Variants in C4orf17 observed in about 807,000 individuals in gnomAD.
The protein encoded by C4orf17 is chromosome 4 open reading frame 17.
A neutral mutation model predicts 32.0 loss-of-function variants in C4orf17; 25 were observed. The observed-to-expected ratio is 0.78, with a 90% CI of 0.57 to 1.09. C4orf17 has a LOEUF of 1.09. Among genes scored for constraint, C4orf17 ranks in the 50% least tolerant of loss-of-function variants. The pLI is 0.00. For synonymous variants in C4orf17, 149 were observed against 145.8 expected (o/e 1.02, Z -0.16); for missense variants, 420 against 420.0 (o/e 1.00, Z 0.00).
At chr4:99,541,750 A>G (rs1345328937) in intron 8 of C4orf17, 160 bp from the exon 9 acceptor site, 8 of 582,192 alleles carry the variant, frequency 1.4e-5, no homozygotes, top group East Asian at 6.1e-5. Context: ...CATGTGGTGG[A>G]AAAAAAAAGA....
intron 4 of C4orf17, among the ~76,000 whole-genome samples, chr4:99,527,668 G>A (rs529538858): frequency 2.0e-5 from 3 of 152,290 alleles, no homozygotes; most frequent in South Asian, 2.1e-4. Flanking sequence ...GAACTCAGGC[G>A]GTAATGCTCA....
chr4:99,511,881 G>C (rs1466340619), intron 1 of C4orf17, among the ~76,000 whole-genome samples: 1 of 152,060 alleles, frequency 6.6e-6, no homozygotes, highest in Non-Finnish European at 1.5e-5. Context: ...TGCATTTAAT[G>C]TCTACATATA....
intron 2 of C4orf17, among the ~76,000 whole-genome samples, chr4:99,518,534 TATATATATATAG>T (rs1401856466): frequency 9.6e-5 from 7 of 72,574 alleles, no homozygotes; most frequent in Non-Finnish European, 1.7e-4. Context: ...TATATATATA[TATATATATATAG>T]AGAGAGAGAG....
At chr4:99,512,861 C>T in intron 1 of C4orf17, 128 bp from the exon 2 acceptor site, 1 of 492,718 alleles carries the variant, frequency 2.0e-6, no homozygotes, top group Non-Finnish European at 3.6e-6. Flanking sequence ...GGTCTGAAAA[C>T]AAAATAGCCT....
chr4:99,533,089 T>C (rs1723501935), intron 5 of C4orf17, among the ~76,000 whole-genome samples: 2 of 152,174 alleles, frequency 1.3e-5, no homozygotes, highest in African/African-American at 2.4e-5. Context: ...ACAGACTGGA[T>C]AATGTAATAC....
At chr4:99,512,410 A>T (rs1723107088) in intron 1 of C4orf17, among the ~76,000 whole-genome samples, 2 of 152,192 alleles carry the variant, frequency 1.3e-5, no homozygotes, top group South Asian at 2.1e-4. Context: ...TAGGTGTCTA[A>T]AAATGTTAAC....
intron 2 of C4orf17, among the ~76,000 whole-genome samples, chr4:99,518,544 T>TAGAGAGAGAGAGAG (rs70958313): frequency 8.1e-5 from 3 of 36,828 alleles, no homozygotes; most frequent in Non-Finnish European, 1.4e-4. Flanking sequence ...TATATATATA[T>TAGAGAGAGAGAGAG]AGAGAGAGAG....
At chr4:99,522,383 A>C in intron 2 of C4orf17, 117 bp from the exon 3 acceptor site, 1 of 811,782 alleles carries the variant, frequency 1.2e-6, no homozygotes, top group South Asian at 1.8e-5. Context: ...GAAGTTCAAC[A>C]TTTTACATAC....
intron 3 of C4orf17, 70 bp from the exon 4 acceptor site, chr4:99,524,451 C>G: frequency 1.1e-6 from 1 of 872,888 alleles, no homozygotes; most frequent in South Asian, 1.5e-5. Context: ...CAGCAATTGA[C>G]ACATATATCA....
chr4:99,535,767 T>C (rs1185499271), intron 5 of C4orf17, among the ~76,000 whole-genome samples: 1 of 152,226 alleles, frequency 6.6e-6, no homozygotes, highest in Admixed American at 6.5e-5. Context: ...CCCAGTTCTG[T>C]GCCCTTGCTT....
chr4:99,523,391 A>G (rs1253247669), intron 3 of C4orf17, among the ~76,000 whole-genome samples: 1 of 152,194 alleles, frequency 6.6e-6, no homozygotes, highest in Non-Finnish European at 1.5e-5. Context: ...TTATGGCATA[A>G]TGTAGTAAAA....
At chr4:99,534,114 T>C (rs916143721) in intron 5 of C4orf17, among the ~76,000 whole-genome samples, 4 of 152,170 alleles carry the variant, frequency 2.6e-5, no homozygotes, top group African/African-American at 9.6e-5. Flanking sequence ...CCATTAGCTA[T>C]TCTTCCTGAT....
At chr4:99,520,420 A>G (rs1723266920) in intron 2 of C4orf17, among the ~76,000 whole-genome samples, 1 of 152,172 alleles carries the variant, frequency 6.6e-6, no homozygotes, top group East Asian at 1.9e-4. Context: ...TTTAATTGAA[A>G]CTTTTTTTCC....
chr4:99,515,814 A>G (rs917433310), intron 2 of C4orf17, among the ~76,000 whole-genome samples: 5 of 152,072 alleles, frequency 3.3e-5, no homozygotes, highest in Non-Finnish European at 5.9e-5. Context: ...AAAAAAAGTC[A>G]TGATACAAAT....
chr4:99,525,534 C>A (rs1315119031), intron 4 of C4orf17, among the ~76,000 whole-genome samples: 1 of 152,162 alleles, frequency 6.6e-6, no homozygotes, highest in Admixed American at 6.5e-5. Flanking sequence ...GTGGCTCACA[C>A]CTGTAATCCC....
At chr4:99,521,697 G>A (rs1230433359) in intron 2 of C4orf17, among the ~76,000 whole-genome samples, 3 of 152,150 alleles carry the variant, frequency 2.0e-5, no homozygotes, top group Non-Finnish European at 4.4e-5. Context: ...CCAGAAGCTT[G>A]CCTGGCAATT....
At chr4:99,537,894 A>C (rs995681320) in intron 6 of C4orf17, 144 bp downstream of exon 6, 79 of 668,656 alleles carry the variant, frequency 1.2e-4, no homozygotes, top group Non-Finnish European at 1.5e-4. Flanking sequence ...TATCAGGGTG[A>C]TTACTGTTCT....
chr4:99,513,291 T>C, intron 2 of C4orf17, 83 bp downstream of exon 2: 2 of 1,525,188 alleles, frequency 1.3e-6, no homozygotes, highest in Admixed American at 1.7e-5. Context: ...AACACAACGC[T>C]GCTATTCAAA....
At chr4:99,513,512 G>C (rs2851029) in intron 2 of C4orf17, among the ~76,000 whole-genome samples, 111,890 of 152,062 alleles carry the variant, frequency 0.74, 41,617 homozygotes, top group East Asian at 0.86. Flanking sequence ...CTCAGGGCAG[G>C]CTTGACCAAT....
Sources: allele counts gnomAD v4.1 joint callset (sites outside exome capture counted in the v4.1 genomes callset), GRCh38; gene constraint gnomAD v4.1.1; transcripts MANE v1.5; gene names NCBI Gene and HGNC (gene_info 2026-07-23, HGNC 2026-07-21).